FUBP3: variants seen among roughly 807,000 people sequenced by gnomAD.
FUBP3 encodes far upstream element binding protein 3.
In FUBP3, 28 loss-of-function variants were observed where a neutral mutation model predicts 85.6. That is an observed-to-expected ratio of 0.33 (90% CI 0.24 to 0.45). The LOEUF is 0.45. FUBP3 is among the 20% of genes least tolerant of loss of function. FUBP3 has a pLI of 1.00. For missense variants in FUBP3, 583 were observed against 755.1 expected (o/e 0.77, Z 2.67); for synonymous variants, 271 against 271.4 (o/e 1.00, Z 0.01).
intron 2 of FUBP3, among the ~76,000 whole-genome samples, chr9:130,605,998 A>G (rs1831411838): frequency 6.6e-6 from 1 of 152,190 alleles, no homozygotes; most frequent in African/African-American, 2.4e-5. Flanking sequence ...AACAACAACA[A>G]CAAAAAAGAG....
intron 12 of FUBP3, among the ~76,000 whole-genome samples, chr9:130,629,537 C>T (rs867225164): frequency 3.1e-4 from 47 of 152,128 alleles, no homozygotes; most frequent in Non-Finnish European, 1.3e-4. Flanking sequence ...CTGCCTTTAG[C>T]GTCCCCTCCC....
intron 12 of FUBP3, among the ~76,000 whole-genome samples, chr9:130,629,511 C>G (rs1018734943): frequency 2.0e-5 from 3 of 152,216 alleles, no homozygotes; most frequent in Non-Finnish European, 4.4e-5. Context: ...AGAGTCCTTG[C>G]AAGACGCCCT....
At chr9:130,626,684 C>T (rs1031371087) in intron 12 of FUBP3, among the ~76,000 whole-genome samples, 179 bp downstream of exon 12, 1 of 152,204 alleles carries the variant, frequency 6.6e-6, no homozygotes, top group Non-Finnish European at 1.5e-5. Context: ...TCTGAGGCTG[C>T]TGACGGGCCT....
chr9:130,597,802 C>G (rs970588741), intron 2 of FUBP3, among the ~76,000 whole-genome samples: 2 of 152,220 alleles, frequency 1.3e-5, no homozygotes, highest in African/African-American at 4.8e-5. Context: ...TTTTATCGAG[C>G]TGTAATACAG....
At chr9:130,627,354 A>C (rs1405211732) in intron 12 of FUBP3, among the ~76,000 whole-genome samples, 1 of 152,216 alleles carries the variant, frequency 6.6e-6, no homozygotes, top group Non-Finnish European at 1.5e-5. Context: ...CATGTGGAGA[A>C]AACAGTCGTC....
chr9:130,590,398 A>G (rs551485651), intron 1 of FUBP3, among the ~76,000 whole-genome samples: 1 of 152,358 alleles, frequency 6.6e-6, no homozygotes, highest in African/African-American at 2.4e-5. Flanking sequence ...AGTTTCCACT[A>G]ACTACTGGTA....
chr9:130,599,000 AAAAT>A (rs1588127222), intron 2 of FUBP3, among the ~76,000 whole-genome samples: 2 of 152,338 alleles, frequency 1.3e-5, no homozygotes, highest in African/African-American at 4.8e-5. Context: ...GTATTTCCGA[AAAAT>A]AAATAAGGCC....
rs923661020 is a variant in FUBP3 at position 130,620,407 on chromosome 9, T to G, written c.720T>G (p.Phe240Leu). 1 of 1,606,580 alleles carries G rather than the reference T, an allele frequency of 6.2e-7. No individual in the cohort carries two copies. Among genetic ancestry groups the G allele is most frequent in the Non-Finnish European group, 8.5e-7 (1 of 1,176,068 alleles). The change falls in exon 9 of 19, where the codon TTT becomes TTG. Residue 240 changes from phenylalanine to leucine, a missense_variant. Coordinates refer to ENST00000319725, the MANE Select transcript of FUBP3 (RefSeq NM_003934.2). ...EIIREKDQAD[F>L]RGVRGDFNSR... ...TCCGAGAAAAAGACCAAGCTGACTT[T>G]CGGGGTGTACGCGGCGATTTCAACT...
intron 1 of FUBP3, among the ~76,000 whole-genome samples, chr9:130,594,992 C>G (rs1830798796): frequency 6.6e-6 from 1 of 151,392 alleles, no homozygotes; most frequent in Non-Finnish European, 1.5e-5. Context: ...TTTGAGAGGC[C>G]AAGGGGGGCA....
At chr9:130,609,040 T>C (rs1657787454) in intron 2 of FUBP3, among the ~76,000 whole-genome samples, 1 of 152,212 alleles carries the variant, frequency 6.6e-6, no homozygotes, top group African/African-American at 2.4e-5. Context: ...CTGAATGCCC[T>C]TTTTAGCATG....
At chr9:130,624,080 A>G (rs374232025) in intron 11 of FUBP3, among the ~76,000 whole-genome samples, 3 of 152,324 alleles carry the variant, frequency 2.0e-5, no homozygotes, top group Non-Finnish European at 4.4e-5. Context: ...GGGTCCTCCA[A>G]AGTCCTAAAG....
At chr9:130,586,920 T>G (rs1830361443) in intron 1 of FUBP3, among the ~76,000 whole-genome samples, 1 of 151,946 alleles carries the variant, frequency 6.6e-6, no homozygotes, top group African/African-American at 2.4e-5. Flanking sequence ...TGGCTGATTT[T>G]TTGTATTTTT....
At chr9:130,631,441 C>G in intron 13 of FUBP3, 116 bp from the exon 14 acceptor site, 1 of 1,261,166 alleles carries the variant, frequency 7.9e-7, no homozygotes, top group Non-Finnish European at 1.1e-6. Context: ...CGTAGGTGTC[C>G]TTACTTCACT....
At chr9:130,618,041 A>C (rs1832096756) in intron 8 of FUBP3, 146 bp downstream of exon 8, 2 of 545,076 alleles carry the variant, frequency 3.7e-6, no homozygotes, top group Non-Finnish European at 6.6e-6. Context: ...TTTGGTGATG[A>C]AAAGAATCTA....
intron 8 of FUBP3, 86 bp downstream of exon 8, chr9:130,617,981 A>G: frequency 1.6e-6 from 1 of 637,842 alleles, no homozygotes; most frequent in East Asian, 2.8e-5. Flanking sequence ...TCCTCAAGTA[A>G]TTGTGAAACT....
chr9:130,628,452 A>G (rs571961455), intron 12 of FUBP3, among the ~76,000 whole-genome samples: 34 of 152,338 alleles, frequency 2.2e-4, no homozygotes, highest in Admixed American at 5.2e-4. Context: ...GAATGAGTCT[A>G]TAGACAGCCA....
At chr9:130,583,327 C>T (rs910139879) in intron 1 of FUBP3, among the ~76,000 whole-genome samples, 1 of 152,324 alleles carries the variant, frequency 6.6e-6, no homozygotes, top group East Asian at 1.9e-4. Context: ...TGATTTAGAA[C>T]TTTAATGCTT....
chr9:130,617,072 T>A (rs1832044826), intron 7 of FUBP3, among the ~76,000 whole-genome samples: 1 of 152,180 alleles, frequency 6.6e-6, no homozygotes, highest in Non-Finnish European at 1.5e-5. Context: ...CATCTGAGAC[T>A]CTCGGGACCA....
chr9:130,586,939 C>T (rs558733100), intron 1 of FUBP3, among the ~76,000 whole-genome samples: 41 of 151,876 alleles, frequency 2.7e-4, no homozygotes, highest in Admixed American at 7.2e-4. Flanking sequence ...TTAGTGAAGA[C>T]GGGGTTTCAC....
Sources: gnomAD v4.1 joint callset for allele counts (sites outside exome capture counted in the v4.1 genomes callset) on GRCh38, gnomAD v4.1.1 for gene constraint, MANE v1.5 for transcripts, NCBI Gene and HGNC (gene_info 2026-07-23, HGNC 2026-07-21) for gene names.